The following DOCK4 variants were observed in gnomAD, a reference collection of about 807,000 sequenced individuals.
The protein encoded by DOCK4 is dedicator of cytokinesis 4.
DOCK4 carries 97 observed loss-of-function variants against 268.1 expected under a neutral mutation model. The ratio of observed to expected loss-of-function variants is 0.36; its 90% CI spans 0.31 to 0.43. The LOEUF (loss-of-function observed/expected upper bound fraction) is 0.43. Ranked by LOEUF, DOCK4 falls within the 20% of genes least tolerant of loss-of-function variation. DOCK4 has a pLI of 1.00. For synonymous variants in DOCK4, 954 were observed against 887.2 expected, an observed-to-expected ratio of 1.08 and a Z score of -1.34; for missense variants, 2,145 against 2,455.7, an observed-to-expected ratio of 0.87 and a Z score of 2.67.
At chr7:112,182,676 A>G (rs1427702077) in intron 1 of DOCK4, among the ~76,000 whole-genome samples, 1 of 152,236 alleles carries the variant, frequency 6.6e-6, no homozygotes. Context: ...AAATTAATAA[A>G]TACCATCCCT....
chr7:112,010,095 G>A (rs1413702306), intron 1 of DOCK4, among the ~76,000 whole-genome samples: 2 of 152,210 alleles, frequency 1.3e-5, no homozygotes, highest in African/African-American at 2.4e-5. Context: ...GGGATTACAG[G>A]TGTGAGCCAC....
intron 1 of DOCK4, among the ~76,000 whole-genome samples, chr7:112,091,304 G>T (rs1036707021): frequency 1.3e-5 from 2 of 152,146 alleles, no homozygotes; most frequent in African/African-American, 4.8e-5. Context: ...CATGAGATTT[G>T]AACATTAGGC....
intron 13 of DOCK4, among the ~76,000 whole-genome samples, chr7:111,902,445 A>AT (rs1426100217): frequency 6.6e-6 from 1 of 152,132 alleles, no homozygotes; most frequent in Non-Finnish European, 1.5e-5. Context: ...TATACTGTCG[A>AT]TTTTTTCTCT....
intron 1 of DOCK4, among the ~76,000 whole-genome samples, chr7:112,190,148 T>C (rs1263544919): frequency 6.6e-6 from 1 of 152,160 alleles, no homozygotes; most frequent in Non-Finnish European, 1.5e-5. Flanking sequence ...AGCTTTGGGC[T>C]TTCTCCCTCA....
chr7:111,888,410 T>C (rs1328478515), intron 16 of DOCK4, among the ~76,000 whole-genome samples: 3 of 151,412 alleles, frequency 2.0e-5, no homozygotes, highest in Admixed American at 6.6e-5. Context: ...GACTGAAAAA[T>C]AGGCATAGTT....
intron 30 of DOCK4, among the ~76,000 whole-genome samples, chr7:111,795,911 G>C (rs547654554): frequency 4.6e-5 from 7 of 152,146 alleles, no homozygotes; most frequent in Non-Finnish European, 1.0e-4. Context: ...TACATAGAGG[G>C]CTTTGTATCA....
intron 10 of DOCK4, 35 bp downstream of exon 10, chr7:111,944,776 C>T: frequency 1.3e-6 from 2 of 1,589,932 alleles, no homozygotes; most frequent in South Asian, 1.1e-5. Flanking sequence ...CTCTCTGTTC[C>T]TTGCCCCTAC....
chr7:112,101,055 G>T (rs1435395484), intron 1 of DOCK4, among the ~76,000 whole-genome samples: 12 of 152,134 alleles, frequency 7.9e-5, no homozygotes, highest in Non-Finnish European at 1.8e-4. Context: ...CTGGGGGTGT[G>T]TTATGGAAGG....
intron 30 of DOCK4, among the ~76,000 whole-genome samples, chr7:111,805,846 C>A (rs954173808): frequency 6.6e-6 from 1 of 152,154 alleles, no homozygotes; most frequent in African/African-American, 2.4e-5. Flanking sequence ...TGGCCTTGGG[C>A]ATTTCCTCCC....
At chr7:112,123,493 T>G (rs1276691777) in intron 1 of DOCK4, among the ~76,000 whole-genome samples, 6 of 152,172 alleles carry the variant, frequency 3.9e-5, no homozygotes, top group Admixed American at 1.3e-4. Context: ...AAAGTCAAAA[T>G]AAAAGTCTAG....
intron 1 of DOCK4, among the ~76,000 whole-genome samples, chr7:112,077,673 G>A (rs1035691175): frequency 5.3e-5 from 8 of 152,190 alleles, no homozygotes; most frequent in South Asian, 4.1e-4. Context: ...ATATGTGCGT[G>A]TGTGTGTTTT....
intron 1 of DOCK4, among the ~76,000 whole-genome samples, chr7:112,042,961 C>T (rs919936892): frequency 1.3e-5 from 2 of 152,178 alleles, no homozygotes; most frequent in African/African-American, 2.4e-5. Context: ...CCGCCCCGCC[C>T]GCAAGTTCTC....
rs1792540014 is a variant in DOCK4, at chr7:111,915,883, A to G, written c.1088T>C (p.Leu363Pro). Residue 363 changes from leucine to proline, a missense_variant, in exon 13 of 53, where the codon CTA (leucine) becomes CCA (proline). Physicochemically the swap from Leu to Pro is moderately conservative, Grantham distance 98. Around this residue, in one of 2 missense-constraint regions of DOCK4, gnomAD observed 1,598 missense variants for 1,986.7 expected, o/e 0.80. Coordinates refer to ENST00000428084, the MANE Select transcript of DOCK4 (RefSeq NM_001363540.2). ...GATTTGTTCAATGTCTCCGTGCAAT[A>G]GCTGTAAGGAAACTGCTAAACCTAA... Reference protein sequence around the residue: ...SNAGLAVSLQLLHGDIEQIRR... With the variant: ...SNAGLAVSLQPLHGDIEQIRR... The G allele has an allele frequency of 6.2e-7, 1 of 1,611,990 alleles. No individual in the cohort carries two copies. The highest frequency in any genetic ancestry group is 1.1e-5 in the South Asian group (1 of 90,544).
intron 9 of DOCK4, 26 bp downstream of exon 9, chr7:111,945,691 T>C: frequency 6.4e-7 from 1 of 1,562,320 alleles, no homozygotes; most frequent in Non-Finnish European, 8.7e-7. Flanking sequence ...TGAATCTGCC[T>C]TATGAATGAA....
At chr7:112,165,530 G>GTT (rs1563149054) in intron 1 of DOCK4, among the ~76,000 whole-genome samples, 1 of 50,394 alleles carries the variant, frequency 2.0e-5, no homozygotes, top group East Asian at 7.1e-4. Context: ...ATACGTGTGT[G>GTT]TGTGTGTGTG....
chr7:112,036,893 T>G (rs1803838745), intron 1 of DOCK4, among the ~76,000 whole-genome samples: 1 of 152,124 alleles, frequency 6.6e-6, no homozygotes, highest in African/African-American at 2.4e-5. Context: ...ACTCCTGACC[T>G]CAGGTGATCC....
chr7:111,799,713 C>T (rs2133850126), intron 30 of DOCK4, among the ~76,000 whole-genome samples: 1 of 152,334 alleles, frequency 6.6e-6, no homozygotes, highest in Non-Finnish European at 1.5e-5. Context: ...CCTAACCTTT[C>T]CTCTCAAAGT....
At chr7:111,823,607 G>C (rs1326728245) in intron 26 of DOCK4, among the ~76,000 whole-genome samples, 1 of 151,980 alleles carries the variant, frequency 6.6e-6, no homozygotes. Flanking sequence ...CACACACAAT[G>C]AATGAAATGA....
At chr7:111,730,196 T>C (rs1318856158) in intron 52 of DOCK4, among the ~76,000 whole-genome samples, 6 of 152,190 alleles carry the variant, frequency 3.9e-5, no homozygotes, top group African/African-American at 1.2e-4. Context: ...AGATAGATGC[T>C]CTGTGAAAAG....
Sources: gnomAD v4.1 joint callset for allele counts (sites outside exome capture counted in the v4.1 genomes callset) on GRCh38, gnomAD v4.1.1 for gene constraint, gnomAD v4.1.1 regional missense constraint, MANE v1.5 for transcripts, NCBI Gene and HGNC (gene_info 2026-07-23, HGNC 2026-07-21) for gene names.